HNRNPR: variants seen among roughly 807,000 people sequenced by gnomAD.
HNRNPR encodes heterogeneous nuclear ribonucleoprotein R.
HNRNPR carries 4 observed loss-of-function variants against 70.3 expected under a neutral mutation model. The observed-to-expected ratio is 0.06, with a 90% CI of 0.03 to 0.13. HNRNPR has a LOEUF of 0.13. Among genes scored for constraint, HNRNPR ranks in the 10% least tolerant of loss-of-function variants. The pLI, the probability that HNRNPR is intolerant of heterozygous loss-of-function variation, is 1.00. For synonymous variants in HNRNPR, 241 were observed against 267.6 expected (o/e 0.90, Z 0.97); for missense variants, 423 against 788.5 (o/e 0.54, Z 5.55).
chr1:23,314,192 TGGTCCATGCCTTAC>T (rs551912379), intron 8 of HNRNPR, among the ~76,000 whole-genome samples: 74 of 152,244 alleles, frequency 4.9e-4, no homozygotes, highest in African/African-American at 1.8e-3. Context: ...GGAGAAAAGC[TGGTCCATGCCTTAC>T]ACTATACACA....
In HNRNPR at chr1:23,343,805, A is replaced by C. The variant is rs59170462; in HGVS notation, c.-10+406T>G. 5.9e-3 allele frequency among the ~76,000 whole-genome samples: 896 copies of C among 151,176 alleles called. 32 individuals carry two copies. The East Asian group carries it at 0.079, about 13-fold the overall frequency. ...TCAGGCCCGTCCGGATCATCAGCACATCCCTCTCGGGCTAGGCCGGCCGCG... is the reference window on the plus strand; with the variant it reads ...TCAGGCCCGTCCGGATCATCAGCACCTCCCTCTCGGGCTAGGCCGGCCGCG... On this transcript the variant is annotated intron_variant, in intron 1 of 10. Transcript: ENST00000302271.
chr1:23,319,151 G>C (rs899531422), intron 7 of HNRNPR, among the ~76,000 whole-genome samples: 8 of 152,152 alleles, frequency 5.3e-5, no homozygotes, highest in Non-Finnish European at 1.2e-4. Flanking sequence ...TCTGGTCTTA[G>C]TCCTTTGCCC....
rs1490744265 is a variant in HNRNPR at position 23,305,531 on chromosome 1, A to C, written c.*4923T>G. On this transcript the variant is annotated 3_prime_UTR_variant, in exon 11 of 11. Coordinates refer to ENST00000302271, the MANE Select transcript of HNRNPR (RefSeq NM_005826.5). ...TGTAAGAATACTGAGAAGGTTCTTC[A>C]GGCATGAAAATCCATAATTACTTTT... 2.6e-5 allele frequency: 4 copies of C among 152,190 alleles called. No homozygotes were observed. The highest frequency in any genetic ancestry group is 5.9e-5 in the Non-Finnish European group (4 of 68,012). The allele number at this position is 152,190 out of a possible 1,614,324, so 9.4% of individuals were successfully genotyped here. A position where few individuals can be genotyped will look rare whatever the true frequency, so the allele number is the denominator to read the frequency against.
rs1294399800 is a variant in HNRNPR, at chr1:23,309,356, C to T, written c.*1098G>A. On this transcript the variant is annotated 3_prime_UTR_variant, in exon 11 of 11. Transcript: ENST00000302271. The stretch of plus-strand genomic sequence containing the variant: ...GACGCCACAGTACTAACAATTTTCC[C>T]TGTATGTACATTCACTTATCCAGCA... 1.3e-5 allele frequency: 2 copies of T among 152,070 alleles called. No homozygotes were observed. The highest frequency in any genetic ancestry group is 1.5e-5 in the Non-Finnish European group (1 of 67,960). 9.4% of individuals were successfully genotyped at this position (152,070 alleles called of 1,614,324 possible).
chr1:23,333,305 A>G (rs1162650429), intron 5 of HNRNPR, among the ~76,000 whole-genome samples: 4 of 152,204 alleles, frequency 2.6e-5, no homozygotes, highest in African/African-American at 9.6e-5. Flanking sequence ...AAAACTCTAT[A>G]TTATATTCCT....
chr1:23,334,395 C>G (rs976527632), intron 4 of HNRNPR, among the ~76,000 whole-genome samples: 1 of 152,064 alleles, frequency 6.6e-6, no homozygotes, highest in Non-Finnish European at 1.5e-5. Flanking sequence ...CGCCACAACG[C>G]CCGGCTAATT....
intron 4 of HNRNPR, among the ~76,000 whole-genome samples, chr1:23,335,990 G>A (rs1470743511): frequency 1.2e-4 from 18 of 148,506 alleles, no homozygotes; most frequent in South Asian, 1.1e-3. Flanking sequence ...AGTGGCGGGC[G>A]CCTGTAGTCC....
chr1:23,343,864 G>A (rs1159916469), intron 1 of HNRNPR, among the ~76,000 whole-genome samples: 1 of 152,164 alleles, frequency 6.6e-6, no homozygotes, highest in Non-Finnish European at 1.5e-5. Context: ...GGGAGAAGCG[G>A]CAGGGCCGCG....
At chr1:23,343,532 T>C (rs894313876) in intron 1 of HNRNPR, among the ~76,000 whole-genome samples, 24 of 152,306 alleles carry the variant, frequency 1.6e-4, no homozygotes, top group Admixed American at 7.2e-4. Flanking sequence ...AAGGATCGCC[T>C]TTCCAATTTG....
At position 23,310,495 on chromosome 1, in the gene HNRNPR, G is replaced by A. The variant is rs746211957; in HGVS notation, c.1861C>T (p.Gln621Ter). Residue 621 changes from glutamine (Q) to a stop codon, truncating the protein, a stop_gained, in exon 11 of 11, where the codon CAG (glutamine) becomes TAG (stop). Coordinates refer to ENST00000302271, the MANE Select transcript of HNRNPR (RefSeq NM_005826.5). LOFTEE classifies it high-confidence loss of function. The surrounding 1 kb of genome is among the most constrained non-coding windows in gnomAD (Gnocchi z 6.0). ...SGNYGYNNDN[Q>*]EFYQDTYGQQ... ...CCATAAGTATCCTGATAAAATTCCT[G>A]GTTGTCATTATTGTAACCATAGTTA... 6.2e-7 allele frequency: 1 copy of A among 1,611,332 alleles called. No individual in the cohort carries two copies. Among genetic ancestry groups the A allele is most frequent in the Non-Finnish European group, 8.5e-7 (1 of 1,178,974 alleles).
At chr1:23,316,504 T>C (rs892983977) in intron 8 of HNRNPR, among the ~76,000 whole-genome samples, 12 of 152,328 alleles carry the variant, frequency 7.9e-5, no homozygotes, top group African/African-American at 2.9e-4. Context: ...ATGTGAGAAG[T>C]GGCTGGTAAG....
chr1:23,333,261 G>C (rs1164866568), intron 5 of HNRNPR, among the ~76,000 whole-genome samples: 1 of 152,122 alleles, frequency 6.6e-6, no homozygotes, highest in Admixed American at 6.5e-5. Flanking sequence ...AAAATGGTGT[G>C]CTGCTAGTAG....
At chr1:23,315,035 T>G (rs1645477081) in intron 8 of HNRNPR, among the ~76,000 whole-genome samples, 1 of 151,944 alleles carries the variant, frequency 6.6e-6, no homozygotes, top group Admixed American at 6.6e-5. Flanking sequence ...ATCCCAGCAC[T>G]TTGGGAGGCC....
intron 1 of HNRNPR, among the ~76,000 whole-genome samples, chr1:23,342,221 A>T (rs1646729426): frequency 6.6e-6 from 1 of 152,250 alleles, no homozygotes; most frequent in Non-Finnish European, 1.5e-5. Context: ...AACATTGTGC[A>T]AATGCACCAG....
chr1:23,340,179 C>T (rs1308709961), intron 2 of HNRNPR, among the ~76,000 whole-genome samples: 1 of 152,098 alleles, frequency 6.6e-6, no homozygotes, highest in African/African-American at 2.4e-5. Flanking sequence ...AGGAGGAGGA[C>T]ACATTCATTT....
intron 5 of HNRNPR, among the ~76,000 whole-genome samples, chr1:23,330,650 T>C (rs1557897606): frequency 6.6e-6 from 1 of 152,174 alleles, no homozygotes; most frequent in Non-Finnish European, 1.5e-5. Flanking sequence ...CACTAAAAAA[T>C]ATATTTCAAA....
intron 3 of HNRNPR, 61 bp downstream of exon 3, chr1:23,338,429 T>G (rs1646585585): frequency 1.5e-6 from 1 of 658,258 alleles, no homozygotes; most frequent in African/African-American, 1.9e-5. Context: ...GGAAAAAAAG[T>G]AATAGTAAAA....
rs1645265513 is a variant in HNRNPR at position 23,309,762 on chromosome 1, C to G, written c.*692G>C. The stretch of plus-strand genomic sequence containing the variant: ...TTACGAATAAAATAATGTTTTAGGA[C>G]ACAATTGAATTTGAAATAGGTAATG... On this transcript the variant is annotated 3_prime_UTR_variant, in exon 11 of 11. Transcript: ENST00000302271. 6.6e-6 allele frequency: 1 copy of G among 152,458 alleles called. No homozygotes were observed. Among genetic ancestry groups the G allele is most frequent in the Non-Finnish European group, 1.5e-5 (1 of 67,978 alleles). 9.4% of individuals were successfully genotyped at this position (152,458 alleles called of 1,614,324 possible).
rs959510120 is a variant in HNRNPR at position 23,307,879 on chromosome 1, C to T, written c.*2575G>A. The T allele has an allele frequency of 2.7e-5, 4 of 150,812 alleles. No homozygotes were observed. The highest frequency in any genetic ancestry group is 9.8e-5 in the African/African-American group (4 of 40,988). 9.3% of individuals were successfully genotyped at this position (150,812 alleles called of 1,614,324 possible). Reference sequence around the variant, plus strand: ...GATGGAAAGACAGGAGAGCAGGAAACCAAATTCCTTACACTCATAATTTGT... The same window carrying T: ...GATGGAAAGACAGGAGAGCAGGAAATCAAATTCCTTACACTCATAATTTGT... On this transcript the variant is annotated 3_prime_UTR_variant, in exon 11 of 11. Transcript: ENST00000302271.
Sources: gnomAD v4.1 joint callset for allele counts (sites outside exome capture counted in the v4.1 genomes callset) on GRCh38, gnomAD v4.1.1 for gene constraint, Gnocchi (gnomAD v3.1) non-coding constraint, MANE v1.5 for transcripts, NCBI Gene and HGNC (gene_info 2026-07-23, HGNC 2026-07-21) for gene names.